Variants in GPR6 observed in about 807,000 individuals in gnomAD.
The protein encoded by GPR6 is G protein-coupled receptor 6.
Under a neutral mutation model 18.5 loss-of-function variants are expected in GPR6, and 14 were observed. The ratio of observed to expected loss-of-function variants is 0.76; its 90% CI spans 0.50 to 1.18. The LOEUF (loss-of-function observed/expected upper bound fraction) is 1.18, where lower values mean the gene tolerates loss of function less well. Among genes scored for constraint, GPR6 ranks in the 50% most tolerant of loss-of-function variants. The pLI, the probability that GPR6 is intolerant of heterozygous loss-of-function variation, is 0.00. For synonymous variants in GPR6, 299 were observed against 240.9 expected (o/e 1.24, Z -2.23); for missense variants, 477 against 495.9 (o/e 0.96, Z 0.36).
chr6:109,980,245 G>A lies in GPR6; in HGVS notation c.*44G>A, dbSNP rs1425311164. 10 of 1,610,604 alleles carry A rather than the reference G, an allele frequency of 6.2e-6. No homozygotes were observed. The highest frequency in any genetic ancestry group is 7.6e-6 in the Non-Finnish European group (9 of 1,178,974). ...TCTCACCAACACCACACCCCAACAA[G>A]CCAGCCTTTGGTAAGCTCGGTGCCT... On this transcript the variant is annotated 3_prime_UTR_variant, in exon 2 of 2. Transcript: ENST00000275169.
chr6:109,979,743 G>A lies in GPR6; in HGVS notation c.631G>A (p.Ala211Thr). ...GCCCGTGCTGGGCTGGAACTGCCTG[G>A]CAGAGCGCGCCGCCTGCAGCGTGGT... ...LLPVLGWNCL[A>T]ERAACSVVRP... Residue 211 changes from alanine to threonine, a missense_variant, in exon 2 of 2, where the codon GCA becomes ACA. Ala to Thr is a moderately conservative substitution (Grantham distance 58). Coordinates refer to ENST00000275169, the MANE Select transcript of GPR6 (RefSeq NM_005284.5). 1 of 1,602,074 alleles carries A rather than the reference G, an allele frequency of 6.2e-7. No individual in the cohort carries two copies.
Position 109,979,194 on chromosome 6 carries a change from G to T in GPR6, c.82G>T (p.Ala28Ser), listed in dbSNP as rs756454188. 1.3e-6 allele frequency: 2 copies of T among 1,599,074 alleles called. No individual in the cohort carries two copies. The highest frequency in any genetic ancestry group is 4.5e-5 in the East Asian group (2 of 44,764). The change falls in exon 2 of 2, where the codon GCA (alanine) becomes TCA (serine). Residue 28 changes from alanine to serine, a missense_variant. Transcript: ENST00000275169. ...AGGAGCGGCGGCGGCGGCCACAGCAGCAGGGGGGCCGGACACGGGCGAATG... is the reference window on the plus strand; with the variant it reads ...AGGAGCGGCGGCGGCGGCCACAGCATCAGGGGGGCCGGACACGGGCGAATG... ...AEGAAAAATAAGGPDTGEWGP... is the reference protein window; with the variant it reads ...AEGAAAAATASGGPDTGEWGP...
At position 109,978,390 on chromosome 6, in the gene GPR6, TGTTTGC is replaced by T. The variant is rs1455978539; in HGVS notation, c.-94_-89del. On this transcript the variant is annotated 5_prime_UTR_variant, in exon 1 of 2. Coordinates refer to ENST00000275169, the MANE Select transcript of GPR6 (RefSeq NM_005284.5). Reference sequence around the variant, plus strand: ...GGCCGCCTCCTGCAGGCAGCTGCTCTGTTTGCGCGGGGAGCTCAGCCCGGCGCCCCG... The same window carrying T: ...GGCCGCCTCCTGCAGGCAGCTGCTCTGCGGGGAGCTCAGCCCGGCGCCCCG... The T allele has an allele frequency of 1.4e-5, 3 of 214,060 alleles. No homozygotes were observed. Among genetic ancestry groups the T allele is most frequent in the Non-Finnish European group, 2.8e-5 (3 of 108,626 alleles). The allele number at this position is 214,060 out of a possible 1,614,324, so 13.3% of individuals were successfully genotyped here.
rs1281036668 is a variant in GPR6, at chr6:109,979,585, G to A, written c.473G>A (p.Ser158Asn). Residue 158 changes from serine (S) to asparagine (N), a missense_variant, in exon 2 of 2, where the codon AGC becomes AAC. By Grantham distance (46) the Ser-to-Asn change is conservative. Transcript: ENST00000275169. ...LVASFAASVS[S>N]LLAITVDRYL... is the part of the protein sequence containing the mutation. ...GCCTCCTTCGCCGCCTCTGTCAGCA[G>A]CCTGCTGGCCATTACGGTGGACCGC... 3 of 1,612,588 alleles carry A rather than the reference G, an allele frequency of 1.9e-6. No individual in the cohort carries two copies. Among genetic ancestry groups the A allele is most frequent in the Non-Finnish European group, 2.5e-6 (3 of 1,180,022 alleles).
chr6:109,979,211 G>A lies in GPR6; in HGVS notation c.99G>A (p.Thr33=), dbSNP rs375711945. 3.1e-6 allele frequency: 5 copies of A among 1,600,620 alleles called. No homozygotes were observed. The highest frequency in any genetic ancestry group is 1.3e-5 in the African/African-American group (1 of 74,202). The change falls in exon 2 of 2, where the codon ACG becomes ACA. Residue 33 remains threonine (T), a synonymous_variant. Coordinates refer to ENST00000275169, the MANE Select transcript of GPR6 (RefSeq NM_005284.5). ...CCACAGCAGCAGGGGGGCCGGACAC[G>A]GGCGAATGGGGACCCCCTGCTGCGG... ...AAATAAGGPD[T]GEWGPPAAAA...
At position 109,980,097 on chromosome 6, in the gene GPR6, T is replaced by C; in HGVS notation, c.985T>C (p.Tyr329His). 1 of 1,614,232 alleles carries C rather than the reference T, an allele frequency of 6.2e-7. No individual in the cohort carries two copies. The highest frequency in any genetic ancestry group is 8.5e-7 in the Non-Finnish European group (1 of 1,180,036). ...TYNSMINPIIYAFRNQEIQRA... is the reference protein window; with the variant it reads ...TYNSMINPIIHAFRNQEIQRA... ...CAACTCCATGATCAATCCCATCATC[T>C]ATGCCTTCCGCAACCAGGAGATCCA... The change falls in exon 2 of 2, where the codon TAT (tyrosine) becomes CAT (histidine). Residue 329 changes from tyrosine (Y) to histidine (H), a missense_variant. Physicochemically the swap from Tyr to His is moderately conservative, Grantham distance 83 (BLOSUM62 2). Coordinates refer to ENST00000275169, the MANE Select transcript of GPR6 (RefSeq NM_005284.5).
At position 109,980,199 on chromosome 6, in the gene GPR6, T is replaced by C. The variant is rs1459220448; in HGVS notation, c.1087T>C (p.Ter363ArgextTer28). ...PFRSRSPSEV[*>R] ...TCGTTCCAGGTCTCCCAGCGAGGTC[T>C]GAAGGGCTCGCCCCGTGTCCTCTCA... is the stretch of plus-strand genomic sequence containing the variant. The change falls in exon 2 of 2, where the codon TGA (stop) becomes CGA (arginine). Residue 363 changes from the stop codon to arginine, a stop_lost. Coordinates refer to ENST00000275169, the MANE Select transcript of GPR6 (RefSeq NM_005284.5). 1 of 1,614,096 alleles carries C rather than the reference T, an allele frequency of 6.2e-7. No homozygotes were observed. The highest frequency in any genetic ancestry group is 1.6e-4 in the Middle Eastern group (1 of 6,084).
rs1307308785 is a variant in GPR6, at chr6:109,979,629, G to A, written c.517G>A (p.Ala173Thr). ...TVDRYLSLYNALTYYSRRTLL... is the reference protein window; with the variant it reads ...TVDRYLSLYNTLTYYSRRTLL... ...GGACCGCTACCTGTCCCTGTATAAC[G>A]CGCTCACCTATTACTCGCGCCGGAC... Residue 173 changes from alanine (A) to threonine (T), a missense_variant, in exon 2 of 2, where the codon GCG (alanine) becomes ACG (threonine). Physicochemically the swap from Ala to Thr is moderately conservative, Grantham distance 58 (BLOSUM62 0). Transcript: ENST00000275169. The A allele has an allele frequency of 6.2e-7, 1 of 1,612,626 alleles. No homozygotes were observed.
rs1771065583 is a variant in GPR6, at chr6:109,980,519, A to C, written c.*318A>C. 2.8e-6 allele frequency: 1 copy of C among 362,594 alleles called. No homozygotes were observed. The highest frequency in any genetic ancestry group is 6.8e-5 in the East Asian group (1 of 14,652). The allele number at this position is 362,594 out of a possible 1,614,324, so 22.5% of individuals were successfully genotyped here. ...ACTCAAATTGTACATCACGTTTGTC[A>C]AACGAAGACATTCCAATACTGCTTA... On this transcript the variant is annotated 3_prime_UTR_variant, in exon 2 of 2. Coordinates refer to ENST00000275169, the MANE Select transcript of GPR6 (RefSeq NM_005284.5).
At position 109,979,655 on chromosome 6, in the gene GPR6, C is replaced by T; in HGVS notation, c.543C>T (p.Thr181=). The change falls in exon 2 of 2, where the codon ACC becomes ACT. Residue 181 remains threonine (T), a synonymous_variant. Coordinates refer to ENST00000275169, the MANE Select transcript of GPR6 (RefSeq NM_005284.5). ...YNALTYYSRR[T]LLGVHLLLAA... is the part of the protein sequence containing the mutation. The stretch of plus-strand genomic sequence containing the variant: ...CGCTCACCTATTACTCGCGCCGGAC[C>T]CTGTTGGGCGTGCACCTCCTGCTTG... The T allele has an allele frequency of 6.2e-7, 1 of 1,611,982 alleles. No homozygotes were observed. Among genetic ancestry groups the T allele is most frequent in the South Asian group, 1.1e-5 (1 of 91,088 alleles).
rs906112595 is a variant in GPR6, at chr6:109,980,063, C to A, written c.951C>A (p.Pro317=). The stretch of plus-strand genomic sequence containing the variant: ...TCTACACTTACGCCACCCTGCTGCC[C>A]GCCACCTACAACTCCATGATCAATC... The part of the protein sequence containing the change: ...PAVYTYATLL[P]ATYNSMINPI... The change falls in exon 2 of 2, where the codon CCC becomes CCA. Residue 317 remains proline (P), a synonymous_variant. Coordinates refer to ENST00000275169, the MANE Select transcript of GPR6 (RefSeq NM_005284.5). 2 of 1,614,036 alleles carry A rather than the reference C, an allele frequency of 1.2e-6. No individual in the cohort carries two copies. Among genetic ancestry groups the A allele is most frequent in the Non-Finnish European group, 1.7e-6 (2 of 1,180,044 alleles).
chr6:109,979,701 C>G lies in GPR6; in HGVS notation c.589C>G (p.Leu197Val). Residue 197 changes from leucine to valine, a missense_variant, in exon 2 of 2, where the codon CTA (leucine) becomes GTA (valine). Transcript: ENST00000275169. ...LLLAATWTVS[L>V]GLGLLPVLGW... The stretch of plus-strand genomic sequence containing the variant: ...GCTTGCCGCCACTTGGACCGTGTCC[C>G]TAGGCCTGGGGCTGCTGCCCGTGCT... 6.2e-7 allele frequency: 1 copy of G among 1,608,856 alleles called. No homozygotes were observed. Among genetic ancestry groups the G allele is most frequent in the South Asian group, 1.1e-5 (1 of 91,066 alleles).
At chr6:109,978,676 C>T (rs956844287) in intron 1 of GPR6, 2 of 1,476,362 alleles carry the variant, frequency 1.4e-6, no homozygotes, top group Non-Finnish European at 1.8e-6. Flanking sequence ...TTCGCAATGC[C>T]AGAAACTTCG....
Position 109,980,069 on chromosome 6 carries a change from C to G in GPR6, c.957C>G (p.Thr319=), listed in dbSNP as rs1220569597. The G allele has an allele frequency of 2.5e-6, 4 of 1,614,216 alleles. No homozygotes were observed. The highest frequency in any genetic ancestry group is 3.4e-6 in the Non-Finnish European group (4 of 1,180,048). The change falls in exon 2 of 2, where the codon ACC becomes ACG. Residue 319 remains threonine, a synonymous_variant. Coordinates refer to ENST00000275169, the MANE Select transcript of GPR6 (RefSeq NM_005284.5). ...CTTACGCCACCCTGCTGCCCGCCAC[C>G]TACAACTCCATGATCAATCCCATCA... ...VYTYATLLPA[T]YNSMINPIIY...
At position 109,979,424 on chromosome 6, in the gene GPR6, C is replaced by T. The variant is rs980260577; in HGVS notation, c.312C>T (p.Arg104=). ...VALIASTPAL[R]TPMFVLVGSL... ...TCATCGCGTCCACTCCGGCGCTGCGCACGCCCATGTTCGTGCTGGTAGGCA... is the reference window on the plus strand; with the variant it reads ...TCATCGCGTCCACTCCGGCGCTGCGTACGCCCATGTTCGTGCTGGTAGGCA... The change falls in exon 2 of 2, where the codon CGC becomes CGT. Residue 104 remains arginine (R), a synonymous_variant. Coordinates refer to ENST00000275169, the MANE Select transcript of GPR6 (RefSeq NM_005284.5). The T allele has an allele frequency of 1.2e-6, 2 of 1,613,452 alleles. No individual in the cohort carries two copies. The highest frequency in any genetic ancestry group is 2.2e-5 in the South Asian group (2 of 91,084).
chr6:109,978,955 A>T, intron 1 of GPR6, 140 bp from the exon 2 acceptor site: 1 of 1,532,046 alleles, frequency 6.5e-7, no homozygotes, highest in Non-Finnish European at 8.8e-7. Flanking sequence ...CACTTAACCC[A>T]TGATTCCCCG....
At position 109,979,573 on chromosome 6, in the gene GPR6, CCT is replaced by C; in HGVS notation, c.464_465del (p.Ser155CysfsTer17). 6.2e-7 allele frequency: 1 copy of C among 1,612,808 alleles called. No individual in the cohort carries two copies. The highest frequency in any genetic ancestry group is 8.5e-7 in the Non-Finnish European group (1 of 1,180,014). ...GGCTTCCTCGTGGCCTCCTTCGCCG[CCT>C]CTGTCAGCAGCCTGCTGGCCATTAC... On this transcript the variant is annotated frameshift_variant, in exon 2 of 2. Transcript: ENST00000275169. LOFTEE classifies it high-confidence loss of function.
chr6:109,980,297 T>C lies in GPR6; in HGVS notation c.*96T>C, dbSNP rs1037033151. 4 of 1,525,804 alleles carry C rather than the reference T, an allele frequency of 2.6e-6. No individual in the cohort carries two copies. The highest frequency in any genetic ancestry group is 2.8e-5 in the African/African-American group (2 of 71,462). The allele number at this position is 1,525,804 out of a possible 1,614,324, so 94.5% of individuals were successfully genotyped here. On this transcript the variant is annotated 3_prime_UTR_variant, in exon 2 of 2. Transcript: ENST00000275169. ...CTGACGAACTCTGAGATCCCAATGG[T>C]GTGAGTCTGACTTTGGAAAGAAAAA...
Position 109,979,676 on chromosome 6 carries a change from G to A in GPR6, c.564G>A (p.Leu188=), listed in dbSNP as rs775047331. ...GGACCCTGTTGGGCGTGCACCTCCT[G>A]CTTGCCGCCACTTGGACCGTGTCCC... The part of the protein sequence containing the change: ...SRRTLLGVHL[L]LAATWTVSLG... The change falls in exon 2 of 2, where the codon CTG becomes CTA. Residue 188 remains leucine, a synonymous_variant. Transcript: ENST00000275169. The A allele has an allele frequency of 2.2e-5, 36 of 1,610,554 alleles. No individual in the cohort carries two copies. The highest frequency in any genetic ancestry group is 2.8e-5 in the Non-Finnish European group (33 of 1,179,916).
Sources: allele counts gnomAD v4.1 joint callset, GRCh38; gene constraint gnomAD v4.1.1; transcripts MANE v1.5; gene names NCBI Gene and HGNC (gene_info 2026-07-23, HGNC 2026-07-21).